NOL4: variants seen among roughly 807,000 people sequenced by gnomAD.
NOL4 encodes the protein cancer/testis antigen 125.
Under a neutral mutation model 75.9 loss-of-function variants are expected in NOL4, and 17 were observed. That is an observed-to-expected ratio of 0.22 (90% CI 0.15 to 0.34). The LOEUF is 0.34. Among genes scored for constraint, NOL4 ranks in the 10% least tolerant of loss-of-function variants. The probability of loss-of-function intolerance (pLI) is 1.00; values close to 1 mark genes in which losing one functional copy is unlikely to be tolerated. For synonymous variants in NOL4, 292 were observed against 289.9 expected (o/e 1.01, Z -0.07); for missense variants, 614 against 793.5 (o/e 0.77, Z 2.72).
Position 34,143,058 on chromosome 18 carries a change from C to T in NOL4, c.265-13038G>A, listed in dbSNP as rs760472661. ...TTCAAGGATGTAAAAATTAATAAAA[C>T]GAGGAGGGAGGGGAAGGGAGGGGAG... is the stretch of plus-strand genomic sequence containing the variant. On this transcript the variant is annotated intron_variant, in intron 1 of 10. Transcript: ENST00000261592. Among the ~76,000 whole-genome samples the T allele has an allele frequency of 5.7e-5, 8 of 139,502 alleles. No individual in the cohort carries two copies. In the South Asian group the frequency reaches 9.6e-4, roughly 17 times the overall value. 91.5% of individuals were successfully genotyped at this position (139,502 alleles called of 152,430 possible).
intron 9 of NOL4, among the ~76,000 whole-genome samples, chr18:33,929,110 A>T (rs2067521145): frequency 6.6e-6 from 1 of 152,098 alleles, no homozygotes; most frequent in Admixed American, 6.6e-5. Flanking sequence ...ACTTCCTACA[A>T]ATTGGGCATA....
chr18:34,082,040 C>T (rs1424242695), intron 5 of NOL4, among the ~76,000 whole-genome samples: 8 of 152,014 alleles, frequency 5.3e-5, no homozygotes, highest in Non-Finnish European at 1.2e-4. Flanking sequence ...AGGAAAACAT[C>T]TACAAGTGGT....
At position 34,024,181 on chromosome 18, in the gene NOL4, G is replaced by GAA. The variant is rs200128545; in HGVS notation, c.773-4582_773-4581dup. 3.7e-3 allele frequency among the ~76,000 whole-genome samples: 318 copies of GAA among 86,800 alleles called. 19 individuals are homozygous for GAA. Among genetic ancestry groups the GAA allele is most frequent in the African/African-American group, 6.7e-3 (154 of 22,848 alleles). 56.9% of individuals were successfully genotyped at this position (86,800 alleles called of 152,430 possible). On this transcript the variant is annotated intron_variant, in intron 5 of 10. Coordinates refer to ENST00000261592, the MANE Select transcript of NOL4 (RefSeq NM_003787.5). ...CAAGTGCCTTAGGCAAAATAAACAG[G>GAA]AAAAAAAAAAAAAATATATATATAT...
chr18:34,125,189 T>C (rs1307853452), intron 2 of NOL4, among the ~76,000 whole-genome samples: 2 of 152,172 alleles, frequency 1.3e-5, no homozygotes, highest in African/African-American at 4.8e-5. Flanking sequence ...ATTGTAAAAC[T>C]TGAGGCACTA....
intron 9 of NOL4, among the ~76,000 whole-genome samples, chr18:33,919,340 G>A (rs1163116565): frequency 6.6e-6 from 1 of 152,108 alleles, no homozygotes; most frequent in African/African-American, 2.4e-5. Context: ...GAGAGCTCAG[G>A]TAAAAATTGA....
At chr18:34,154,473 CATT>C (rs1430407738) in intron 1 of NOL4, among the ~76,000 whole-genome samples, 1 of 151,802 alleles carries the variant, frequency 6.6e-6, no homozygotes, top group Non-Finnish European at 1.5e-5. Context: ...TTTGTTATGT[CATT>C]ATGTTTGTGG....
At chr18:33,899,955 T>A (rs1233743937) in intron 9 of NOL4, among the ~76,000 whole-genome samples, 1 of 152,132 alleles carries the variant, frequency 6.6e-6, no homozygotes, top group Non-Finnish European at 1.5e-5. Flanking sequence ...CATTTTAAAC[T>A]GATAGGCAAA....
intron 9 of NOL4, among the ~76,000 whole-genome samples, chr18:33,923,718 T>G (rs1000911859): frequency 7.2e-5 from 11 of 152,190 alleles, no homozygotes; most frequent in South Asian, 2.1e-4. Context: ...CGTTATCTTT[T>G]GTGTATAAGA....
chr18:33,990,443 C>T (rs1217076872), intron 6 of NOL4, among the ~76,000 whole-genome samples: 1 of 151,968 alleles, frequency 6.6e-6, no homozygotes, highest in Non-Finnish European at 1.5e-5. Flanking sequence ...ACAGAACATG[C>T]TTCCTGTTTC....
chr18:33,873,790 T>C (rs1271565285), intron 10 of NOL4, among the ~76,000 whole-genome samples: 1 of 151,978 alleles, frequency 6.6e-6, no homozygotes, highest in Non-Finnish European at 1.5e-5. Context: ...CCTGCCCTTG[T>C]GCATAGTCTA....
At chr18:34,165,951 GTT>G (rs2146218700) in intron 1 of NOL4, among the ~76,000 whole-genome samples, 1 of 151,964 alleles carries the variant, frequency 6.6e-6, no homozygotes, top group South Asian at 2.1e-4. Flanking sequence ...ATTTTAGAAT[GTT>G]TAAGCTGTAA....
chr18:33,959,352 C>T (rs1475954364), intron 6 of NOL4, among the ~76,000 whole-genome samples: 1 of 152,034 alleles, frequency 6.6e-6, no homozygotes, highest in Non-Finnish European at 1.5e-5. Flanking sequence ...TTTGGGATTA[C>T]ACTTATTCCA....
At chr18:34,120,946 T>C (rs1387635268) in intron 2 of NOL4, among the ~76,000 whole-genome samples, 1 of 152,202 alleles carries the variant, frequency 6.6e-6, no homozygotes, top group Non-Finnish European at 1.5e-5. Flanking sequence ...AAATTATAAT[T>C]AATTTTCAAA....
At chr18:33,999,530 T>C (rs562081064) in intron 6 of NOL4, among the ~76,000 whole-genome samples, 11 of 152,092 alleles carry the variant, frequency 7.2e-5, no homozygotes, top group Non-Finnish European at 1.5e-4. Context: ...TTTACAGGGT[T>C]GGGAGTGGAG....
At chr18:33,862,115 A>G (rs372956348) in intron 10 of NOL4, among the ~76,000 whole-genome samples, 11 of 152,128 alleles carry the variant, frequency 7.2e-5, no homozygotes, top group South Asian at 2.1e-4. Context: ...AAATAAAGCC[A>G]CATATCTACA....
At chr18:33,942,805 T>A (rs1287322088) in intron 9 of NOL4, among the ~76,000 whole-genome samples, 1 of 151,952 alleles carries the variant, frequency 6.6e-6, no homozygotes, top group Non-Finnish European at 1.5e-5. Context: ...TAATTGACCT[T>A]TAAATTGGAT....
At chr18:33,946,695 G>A (rs922004767) in intron 8 of NOL4, among the ~76,000 whole-genome samples, 2 of 151,716 alleles carry the variant, frequency 1.3e-5, no homozygotes, top group African/African-American at 2.4e-5. Flanking sequence ...GCATCCTTCA[G>A]TTAAATGGTT....
intron 10 of NOL4, among the ~76,000 whole-genome samples, chr18:33,872,923 C>T (rs992745173): frequency 6.6e-6 from 1 of 151,952 alleles, no homozygotes; most frequent in Admixed American, 6.6e-5. Flanking sequence ...CAGCAAGCTG[C>T]ACACTGGCAG....
At chr18:33,943,304 C>T (rs546556152) in intron 8 of NOL4, 126 bp from the exon 9 acceptor site, 10 of 631,180 alleles carry the variant, frequency 1.6e-5, no homozygotes, top group Non-Finnish European at 2.2e-5. Context: ...TTCAACTGAA[C>T]TTGTTTCAAT....
Sources: gnomAD v4.1 joint callset for allele counts (sites outside exome capture counted in the v4.1 genomes callset) on GRCh38, gnomAD v4.1.1 for gene constraint, MANE v1.5 for transcripts, NCBI Gene and HGNC (gene_info 2026-07-23, HGNC 2026-07-21) for gene names.